The following NKIRAS1 variants were observed in gnomAD, a reference collection of about 807,000 sequenced individuals.
The protein encoded by NKIRAS1 is NFKB inhibitor interacting Ras like 1.
A neutral mutation model predicts 19.8 loss-of-function variants in NKIRAS1; 16 were observed. That is an observed-to-expected ratio of 0.81 (90% CI 0.55 to 1.23). The LOEUF (loss-of-function observed/expected upper bound fraction) is 1.23. Ranked by LOEUF, NKIRAS1 falls within the 50% of genes most tolerant of loss-of-function variation. The pLI is 0.00. For synonymous variants in NKIRAS1, 88 were observed against 79.0 expected (o/e 1.11, Z -0.61); for missense variants, 184 against 220.0 (o/e 0.84, Z 1.04).
chr3:23,935,232 G>C (rs1244708781), intron 1 of NKIRAS1, among the ~76,000 whole-genome samples: 1 of 151,830 alleles, frequency 6.6e-6, no homozygotes, highest in Non-Finnish European at 1.5e-5. Flanking sequence ...CCTGACAATG[G>C]CTAAAACTAA....
intron 1 of NKIRAS1, among the ~76,000 whole-genome samples, chr3:23,931,127 T>C (rs968518356): frequency 2.0e-5 from 3 of 152,254 alleles, no homozygotes; most frequent in Non-Finnish European, 4.4e-5. Context: ...TACAGTTGTG[T>C]ATGCTATCAG....
upstream of NKIRAS1, chr3:23,919,856 G>C (rs1704973660): frequency 9.9e-7 from 1 of 1,013,624 alleles, no homozygotes; most frequent in African/African-American, 1.7e-5. Flanking sequence ...TCGGAGTGAT[G>C]GCAATGCTCT....
chr3:23,895,051 G>GT (rs1029121464), intron 4 of NKIRAS1, among the ~76,000 whole-genome samples: 21 of 151,986 alleles, frequency 1.4e-4, no homozygotes, highest in African/African-American at 4.1e-4. Flanking sequence ...TGTTTTGTTT[G>GT]TTTTTTTTAA....
upstream of NKIRAS1, chr3:23,920,315 TAAA>T (rs748550537): frequency 1.9e-4 from 190 of 985,624 alleles, no homozygotes; most frequent in Non-Finnish European, 2.1e-4. Flanking sequence ...CAGTCAGTCT[TAAA>T]AACATCTTGG....
chr3:23,921,694 C>G (rs1705092861), upstream of NKIRAS1: 1 of 661,342 alleles, frequency 1.5e-6, no homozygotes, highest in Admixed American at 2.5e-5. Flanking sequence ...TCTGCCTCGG[C>G]CTCCCAAATA....
rs370692935 is a variant in NKIRAS1 at position 23,938,863 on chromosome 3, G to A, written c.-140+7460C>T. Among the ~76,000 whole-genome samples the A allele has an allele frequency of 2.0e-5, 3 of 152,292 alleles. No homozygotes were observed. The South Asian group carries it at 6.2e-4, about 32-fold the overall frequency. On this transcript the variant is annotated intron_variant, in intron 1 of 4. Coordinates refer to the NKIRAS1 transcript ENST00000421515. ...CTGTAAGCAGTGTGACTGCCCTGAGGCTGCCATGTTGTGAGGAAGTCCAAA... is the reference window on the plus strand; with the variant it reads ...CTGTAAGCAGTGTGACTGCCCTGAGACTGCCATGTTGTGAGGAAGTCCAAA...
At chr3:23,919,714 T>A (rs968941448), upstream of NKIRAS1, 1 of 1,369,460 alleles carries the variant, frequency 7.3e-7, no homozygotes, top group Non-Finnish European at 9.4e-7. Context: ...TGCTTTATCT[T>A]ATTAGGGAGT....
chr3:23,924,735 A>G lies in NKIRAS1; in HGVS notation c.-139-13285T>C, dbSNP rs72627085. 3.6e-3 allele frequency among the ~76,000 whole-genome samples: 549 copies of G among 152,334 alleles called. 16 individuals are homozygous for G. The East Asian group carries it at 0.05, about 14-fold the overall frequency. ...AAGATTCTTGAAGGTAACTTTATGT[A>G]GAATAAATTCTTCAAATTTCAACTG... On this transcript the variant is annotated intron_variant, in intron 1 of 4. Transcript: ENST00000421515.
At chr3:23,913,555 A>T (rs1703991835) in intron 1 of NKIRAS1, among the ~76,000 whole-genome samples, 1 of 152,246 alleles carries the variant, frequency 6.6e-6, no homozygotes, top group Admixed American at 6.5e-5. Flanking sequence ...AATAACACAT[A>T]CACAAAAATA....
At chr3:23,942,088 C>G (rs1378845905) in intron 1 of NKIRAS1, among the ~76,000 whole-genome samples, 1 of 152,000 alleles carries the variant, frequency 6.6e-6, no homozygotes, top group South Asian at 2.1e-4. Flanking sequence ...AAGGGATTCT[C>G]GTGACTCAAC....
chr3:23,911,172 G>A (rs558199146), intron 2 of NKIRAS1, among the ~76,000 whole-genome samples, 157 bp downstream of exon 2: 2 of 152,194 alleles, frequency 1.3e-5, no homozygotes, highest in African/African-American at 4.8e-5. Context: ...TAAGAATACA[G>A]GCCAGGCACA....
At chr3:23,933,359 C>A (rs952031382) in intron 1 of NKIRAS1, among the ~76,000 whole-genome samples, 2 of 152,152 alleles carry the variant, frequency 1.3e-5, no homozygotes, top group South Asian at 4.1e-4. Flanking sequence ...GGTAGGGGAA[C>A]AATTTTGTCC....
chr3:23,910,914 G>A lies in NKIRAS1; in HGVS notation c.-10C>T, dbSNP rs1233602397. The A allele has an allele frequency of 4.3e-6, 7 of 1,610,918 alleles. No individual in the cohort carries two copies. The highest frequency in any genetic ancestry group is 5.9e-6 in the Non-Finnish European group (7 of 1,177,248). On this transcript the variant is annotated 5_prime_UTR_variant, in exon 3 of 5. Coordinates refer to ENST00000425478, the MANE Select transcript of NKIRAS1 (RefSeq NM_020345.4). ...TGCAGCCCTTTCCCATCTTCTCTCA[G>A]GATATCACTGTGGAGAGAATAACAG...
At chr3:23,915,330 C>A (rs1228927977) in intron 1 of NKIRAS1, among the ~76,000 whole-genome samples, 1 of 152,158 alleles carries the variant, frequency 6.6e-6, no homozygotes, top group Non-Finnish European at 1.5e-5. Context: ...AATGTACTCT[C>A]CCCTAGTACC....
intron 4 of NKIRAS1, among the ~76,000 whole-genome samples, chr3:23,897,916 T>G (rs1327076472): frequency 6.6e-6 from 1 of 152,246 alleles, no homozygotes; most frequent in Non-Finnish European, 1.5e-5. Context: ...TGGCACATAG[T>G]AGTTGCTAAA....
chr3:23,919,354 C>G, upstream of NKIRAS1: 3 of 1,602,740 alleles, frequency 1.9e-6, no homozygotes, highest in Non-Finnish European at 2.5e-6. Context: ...AACCAGTCCA[C>G]AAGCACAGGG....
chr3:23,909,237 G>A (rs565152771), intron 3 of NKIRAS1, among the ~76,000 whole-genome samples: 134 of 152,264 alleles, frequency 8.8e-4, no homozygotes, highest in African/African-American at 3.2e-3. Flanking sequence ...AAACAGAAAT[G>A]TGGGCCAGGC....
chr3:23,932,171 G>A (rs1236098941), intron 1 of NKIRAS1, among the ~76,000 whole-genome samples: 1 of 152,160 alleles, frequency 6.6e-6, no homozygotes, highest in Non-Finnish European at 1.5e-5. Context: ...TTTGCCAGGG[G>A]TGTTTAGAGT....
At chr3:23,943,191 G>A (rs555108072) in intron 1 of NKIRAS1, among the ~76,000 whole-genome samples, 1 of 152,264 alleles carries the variant, frequency 6.6e-6, no homozygotes, top group African/African-American at 2.4e-5. Context: ...TTCCCCTCTA[G>A]CCTTTAGTAA....
Sources: allele counts gnomAD v4.1 joint callset (sites outside exome capture counted in the v4.1 genomes callset), GRCh38; gene constraint gnomAD v4.1.1; transcripts MANE v1.5; gene names NCBI Gene and HGNC (gene_info 2026-07-23, HGNC 2026-07-21).